The following CACNB4 variants were observed in gnomAD, a reference collection of about 807,000 sequenced individuals.
CACNB4 encodes calcium voltage-gated channel auxiliary subunit beta 4.
CACNB4 carries 32 observed loss-of-function variants against 71.2 expected under a neutral mutation model. That is an observed-to-expected ratio of 0.45 (90% confidence interval 0.34 to 0.60). The LOEUF (loss-of-function observed/expected upper bound fraction) is 0.60, where lower values mean the gene tolerates loss of function less well. CACNB4 is among the 20% of genes least tolerant of loss of function. CACNB4 has a pLI of 0.01. For missense variants in CACNB4, 464 were observed against 647.9 expected (o/e 0.72, Z 3.08); for synonymous variants, 231 against 236.9 (o/e 0.97, Z 0.23).
At chr2:151,986,311 A>C (rs1681367096) in intron 2 of CACNB4, among the ~76,000 whole-genome samples, 1 of 152,234 alleles carries the variant, frequency 6.6e-6, no homozygotes, top group South Asian at 2.1e-4. Context: ...GGAAATATTT[A>C]TACAGTAGAC....
intron 8 of CACNB4, 64 bp from the exon 9 acceptor site, chr2:151,869,299 A>C (rs2099843991): frequency 2.1e-6 from 2 of 956,696 alleles, no homozygotes; most frequent in East Asian, 5.3e-5. Context: ...AGAAGTCAAA[A>C]GGGAGAGAGG....
chr2:152,036,107 A>G (rs1030707467), intron 2 of CACNB4, among the ~76,000 whole-genome samples: 4 of 152,226 alleles, frequency 2.6e-5, no homozygotes, highest in Admixed American at 1.3e-4. Context: ...TATCCAAAGC[A>G]GTAAAACTCT....
At chr2:151,988,354 T>G (rs1408810371) in intron 2 of CACNB4, among the ~76,000 whole-genome samples, 1 of 152,160 alleles carries the variant, frequency 6.6e-6, no homozygotes. Flanking sequence ...TTTTACCTCA[T>G]ACATCTGCCT....
chr2:152,018,085 A>G (rs1683448838), intron 2 of CACNB4, among the ~76,000 whole-genome samples: 1 of 152,120 alleles, frequency 6.6e-6, no homozygotes, highest in Non-Finnish European at 1.5e-5. Flanking sequence ...CACCCGCTTC[A>G]GCCTCCCAAA....
chr2:151,912,285 C>T (rs1233213512), intron 2 of CACNB4, among the ~76,000 whole-genome samples: 8 of 152,192 alleles, frequency 5.3e-5, no homozygotes, highest in Non-Finnish European at 1.0e-4. Flanking sequence ...ATCTTTCTAG[C>T]TTTCTGATGT....
intron 2 of CACNB4, among the ~76,000 whole-genome samples, chr2:152,047,094 A>C (rs1393251995): frequency 6.6e-6 from 1 of 152,232 alleles, no homozygotes; most frequent in Non-Finnish European, 1.5e-5. Context: ...TAAGGAAATG[A>C]ATAAATAACC....
At chr2:151,946,512 T>A (rs1242724662) in intron 2 of CACNB4, among the ~76,000 whole-genome samples, 2 of 152,180 alleles carry the variant, frequency 1.3e-5, no homozygotes, top group East Asian at 1.9e-4. Context: ...GCAAATGTTA[T>A]CAGAAGGCTG....
intron 2 of CACNB4, among the ~76,000 whole-genome samples, chr2:152,061,557 T>C (rs1213817553): frequency 1.3e-5 from 2 of 151,532 alleles, no homozygotes; most frequent in South Asian, 4.1e-4. Context: ...ATCAATTTCA[T>C]AGATCTTAAA....
At chr2:151,856,233 A>G (rs1341610597) in intron 10 of CACNB4, among the ~76,000 whole-genome samples, 1 of 150,768 alleles carries the variant, frequency 6.6e-6, no homozygotes, top group Non-Finnish European at 1.5e-5. Flanking sequence ...ATATATATAT[A>G]TTTTATAAAT....
chr2:151,967,246 G>C (rs2151716670), intron 2 of CACNB4: 1 of 151,992 alleles, frequency 6.6e-6, no homozygotes, highest in African/African-American at 2.4e-5. Flanking sequence ...TGCAAAGATG[G>C]GGTTTTGCCA....
chr2:151,944,915 A>T (rs1222476077), intron 2 of CACNB4, among the ~76,000 whole-genome samples: 1 of 152,214 alleles, frequency 6.6e-6, no homozygotes, highest in Admixed American at 6.5e-5. Flanking sequence ...CAGTTGTGAG[A>T]CAATAGGGTC....
intron 2 of CACNB4, among the ~76,000 whole-genome samples, chr2:151,992,391 T>C (rs1193263644): frequency 6.6e-6 from 1 of 152,262 alleles, no homozygotes; most frequent in Non-Finnish European, 1.5e-5. Flanking sequence ...TAATAAACAG[T>C]GCACATTTAC....
chr2:152,035,651 C>CTCTA lies in CACNB4; in HGVS notation c.147+62678_147+62679insTAGA, dbSNP rs796161186. On this transcript the variant is annotated intron_variant, in intron 2 of 13. Coordinates refer to ENST00000539935, the MANE Select transcript of CACNB4 (RefSeq NM_000726.5). The stretch of plus-strand genomic sequence containing the variant: ...TCTCCCTCTCTCTCTCTCTCTCTCT[C>CTCTA]TATATATATATATATATGTATGTAT... Among the ~76,000 whole-genome samples the CTCTA allele has an allele frequency of 1.5e-3, 183 of 118,066 alleles. 3 individuals carry two copies. The highest frequency in any genetic ancestry group is 4.2e-3 in the African/African-American group (117 of 27,596). The allele number at this position is 118,066 out of a possible 152,430, so 77.5% of individuals were successfully genotyped here.
intron 2 of CACNB4, among the ~76,000 whole-genome samples, chr2:151,906,206 T>G (rs6756645): frequency 0.23 from 34,853 of 152,160 alleles, 4,221 homozygotes; most frequent in Middle Eastern, 0.39. Flanking sequence ...TCAAGCATGA[T>G]CAACAGTGTG....
In CACNB4 at chr2:151,880,805, T is replaced by A. The variant is rs1553759323; in HGVS notation, c.385A>T (p.Lys129Ter). ...GCAGTATGTTCTACATTTACCTCTT[T>A]AATATGTAGAAAGTCTTTAGCATCA... ...SFDAKDFLHI[K>*]EKYNNDWWIG... is the part of the protein sequence containing the mutation. Residue 129 changes from lysine to a stop codon, truncating the protein, a stop_gained, in exon 4 of 14, where the codon AAA becomes TAA. Coordinates refer to ENST00000539935, the MANE Select transcript of CACNB4 (RefSeq NM_000726.5). LOFTEE classifies it high-confidence loss of function. 1 of 1,611,446 alleles carries A rather than the reference T, an allele frequency of 6.2e-7. No homozygotes were observed. The highest frequency in any genetic ancestry group is 8.5e-7 in the Non-Finnish European group (1 of 1,178,750).
At position 151,904,684 on chromosome 2, in the gene CACNB4, A is replaced by G. The variant is rs1285805625; in HGVS notation, c.148-21314T>C. Reference sequence around the variant, plus strand: ...CAAGTAGCTGGGACTACAGGCACATACCACCACACCCAGCTAATTTATGTA... The same window carrying G: ...CAAGTAGCTGGGACTACAGGCACATGCCACCACACCCAGCTAATTTATGTA... On this transcript the variant is annotated intron_variant, in intron 2 of 13. Transcript: ENST00000539935. Among the ~76,000 whole-genome samples the G allele has an allele frequency of 3.3e-5, 5 of 151,998 alleles. No individual in the cohort carries two copies. The East Asian group carries it at 5.8e-4, about 18-fold the overall frequency.
chr2:151,941,188 G>A (rs1310719442), intron 2 of CACNB4, among the ~76,000 whole-genome samples: 1 of 151,630 alleles, frequency 6.6e-6, no homozygotes. Flanking sequence ...GTTAGCAAAT[G>A]CCTATTTGAG....
At chr2:152,023,833 C>A (rs76347332) in intron 2 of CACNB4, among the ~76,000 whole-genome samples, 1 of 152,172 alleles carries the variant, frequency 6.6e-6, no homozygotes. Flanking sequence ...TACAACTCAA[C>A]GAATTGAAAA....
intron 8 of CACNB4, 78 bp downstream of exon 8, chr2:151,870,453 C>T (rs755082566): frequency 2.5e-6 from 3 of 1,219,926 alleles, no homozygotes; most frequent in East Asian, 4.9e-5. Flanking sequence ...GGAAACAGAC[C>T]CTTGAGGAGC....
Sources: gnomAD v4.1 joint callset for allele counts (sites outside exome capture counted in the v4.1 genomes callset) on GRCh38, gnomAD v4.1.1 for gene constraint, MANE v1.5 for transcripts, NCBI Gene and HGNC (gene_info 2026-07-23, HGNC 2026-07-21) for gene names.